Variants in SH3KBP1 observed in about 807,000 individuals in gnomAD.
SH3KBP1 encodes the protein SH3 domain containing kinase binding protein 1, also known as SH3 domain-containing kinase-binding protein 1.
SH3KBP1 carries 8 observed loss-of-function variants against 50.1 expected under a neutral mutation model. That is an observed-to-expected ratio of 0.16 (90% confidence interval 0.09 to 0.29). The LOEUF (loss-of-function observed/expected upper bound fraction) is 0.29. Ranked by LOEUF, SH3KBP1 falls within the 10% of genes least tolerant of loss-of-function variation. SH3KBP1 has a pLI of 1.00. For synonymous variants in SH3KBP1, 227 were observed against 218.6 expected (o/e 1.04, Z -0.34); for missense variants, 377 against 535.2 (o/e 0.70, Z 2.92).
chrX:19,768,289 G>T (rs1261465243), intron 2 of SH3KBP1, among the ~76,000 whole-genome samples: 3 of 107,480 alleles, frequency 2.8e-5, no homozygotes, highest in Non-Finnish European at 5.8e-5. Flanking sequence ...GCGTGTGGGT[G>T]ACTGTTTTAA....
At chrX:19,788,426 G>A (rs967277875) in intron 2 of SH3KBP1, among the ~76,000 whole-genome samples, 4 of 110,553 alleles carry the variant, frequency 3.6e-5, no homozygotes, top group Non-Finnish European at 5.7e-5. Flanking sequence ...GAAGCAAGGG[G>A]AGGAGCAGAC....
intron 12 of SH3KBP1, among the ~76,000 whole-genome samples, chrX:19,572,665 T>C (rs769296396): frequency 9.0e-6 from 1 of 110,887 alleles, no homozygotes; most frequent in Non-Finnish European, 1.9e-5. Flanking sequence ...ATGGATTTTA[T>C]GCATCAGTGT....
intron 15 of SH3KBP1, among the ~76,000 whole-genome samples, chrX:19,543,635 G>GA (rs2065001082): frequency 9.0e-6 from 1 of 111,715 alleles, no homozygotes; most frequent in Non-Finnish European, 1.9e-5. Flanking sequence ...GCATGCTCAT[G>GA]CGGAAGCCTC....
intron 8 of SH3KBP1, among the ~76,000 whole-genome samples, chrX:19,625,937 A>T (rs1263268600): frequency 9.0e-6 from 1 of 111,712 alleles, no homozygotes; most frequent in African/African-American, 3.3e-5. Context: ...CCCTCGGGAA[A>T]GCTGCTTCAG....
chrX:19,722,555 T>TGC (rs1236544543), intron 3 of SH3KBP1, among the ~76,000 whole-genome samples: 12 of 96,663 alleles, frequency 1.2e-4, no homozygotes, highest in Admixed American at 8.0e-4. Context: ...TGTGTGTGTG[T>TGC]GCGCGTGCGC....
At chrX:19,670,969 G>A (rs2148535853) in intron 6 of SH3KBP1, 2 of 1,100,523 alleles carry the variant, frequency 1.8e-6, no homozygotes, top group African/African-American at 1.9e-5. Flanking sequence ...TGAGGACCCA[G>A]CCTAACCCTG....
intron 6 of SH3KBP1, among the ~76,000 whole-genome samples, chrX:19,654,052 T>C (rs2062207662): frequency 9.0e-6 from 1 of 111,654 alleles, no homozygotes; most frequent in Non-Finnish European, 1.9e-5. Context: ...TTAGTATCTA[T>C]CATTCTACTG....
intron 2 of SH3KBP1, among the ~76,000 whole-genome samples, chrX:19,808,864 G>A (rs1443523169): frequency 9.0e-6 from 1 of 111,663 alleles, no homozygotes; most frequent in Non-Finnish European, 1.9e-5. Context: ...GCGTGGGAGG[G>A]ACATCTTTGC....
chrX:19,588,234 T>C (rs2066628076), intron 12 of SH3KBP1: 2 of 688,556 alleles, frequency 2.9e-6, no homozygotes, highest in Admixed American at 4.4e-5. Context: ...GCAGTGAGGG[T>C]CAGGGGTCGT....
chrX:19,548,067 C>T (rs1181077774), intron 14 of SH3KBP1, among the ~76,000 whole-genome samples: 2 of 112,952 alleles, frequency 1.8e-5, no homozygotes, highest in Non-Finnish European at 3.7e-5. Flanking sequence ...ATGTGCTTTT[C>T]ATTCCAGTTG....
chrX:19,634,174 CAGAG>C (rs1220711419), intron 7 of SH3KBP1, among the ~76,000 whole-genome samples: 1 of 98,652 alleles, frequency 1.0e-5, no homozygotes, highest in Non-Finnish European at 2.1e-5. Context: ...CATGGAGAGA[CAGAG>C]AGAGAGAGAC....
At chrX:19,813,188 AAGG>A (rs1569479890) in intron 2 of SH3KBP1, among the ~76,000 whole-genome samples, 1 of 109,489 alleles carries the variant, frequency 9.1e-6, no homozygotes, top group Non-Finnish European at 1.9e-5. Context: ...GAAGAAGAAG[AAGG>A]AAAGAACTAA....
chrX:19,615,295 T>C (rs1272728703), intron 8 of SH3KBP1, among the ~76,000 whole-genome samples: 1 of 112,384 alleles, frequency 8.9e-6, no homozygotes, highest in East Asian at 2.8e-4. Context: ...AAAAGAAATG[T>C]ATTCTGCTCA....
At chrX:19,774,770 T>C (rs1028748426) in intron 2 of SH3KBP1, among the ~76,000 whole-genome samples, 3 of 111,554 alleles carry the variant, frequency 2.7e-5, no homozygotes, top group Non-Finnish European at 3.8e-5. Context: ...GGGGGTTTAT[T>C]AACTTTATTA....
At chrX:19,710,923 T>TA (rs772180852) in intron 3 of SH3KBP1, among the ~76,000 whole-genome samples, 2 of 111,824 alleles carry the variant, frequency 1.8e-5, no homozygotes, top group Admixed American at 9.5e-5. Flanking sequence ...TACTGTTTAA[T>TA]AAAATAGTAA....
chrX:19,648,090 T>A lies in SH3KBP1; in HGVS notation c.727-2615A>T, dbSNP rs73459649. ...TCTCTCTCCTTTCCCACCAAACACATCTGCCTTCTCTATTCTCACTGGCCT... is the reference window on the plus strand; with the variant it reads ...TCTCTCTCCTTTCCCACCAAACACAACTGCCTTCTCTATTCTCACTGGCCT... On this transcript the variant is annotated intron_variant, in intron 6 of 17. Coordinates refer to ENST00000397821, the MANE Select transcript of SH3KBP1 (RefSeq NM_031892.3). 4.5e-3 allele frequency: 1,694 copies of A among 372,727 alleles called. 11 individuals are homozygous for A. Among genetic ancestry groups the A allele is most frequent in the Middle Eastern group, 0.021 (49 of 2,320 alleles). 30.7% of individuals were successfully genotyped at this position (372,727 alleles called of 1,213,427 possible). A position where few individuals can be genotyped will look rare whatever the true frequency, so the allele number is the denominator to read the frequency against.
chrX:19,747,760 G>A, intron 2 of SH3KBP1: 1 of 335,229 alleles, frequency 3.0e-6, no homozygotes, highest in South Asian at 2.7e-5. Context: ...ACTGGGGCTG[G>A]CGCTTTGCTA....
chrX:19,686,766 C>G (rs921647509), intron 5 of SH3KBP1, among the ~76,000 whole-genome samples: 1 of 111,065 alleles, frequency 9.0e-6, no homozygotes, highest in East Asian at 2.8e-4. Context: ...TCTCTCTCAT[C>G]ATATCCATAC....
chrX:19,581,346 G>T (rs1373232324), intron 12 of SH3KBP1, among the ~76,000 whole-genome samples: 2 of 111,870 alleles, frequency 1.8e-5, no homozygotes, highest in Non-Finnish European at 3.8e-5. Context: ...ATCACACAAG[G>T]AATCACTAGG....
Sources: gnomAD v4.1 joint callset for allele counts (sites outside exome capture counted in the v4.1 genomes callset) on GRCh38, gnomAD v4.1.1 for gene constraint, MANE v1.5 for transcripts, NCBI Gene and HGNC (gene_info 2026-07-23, HGNC 2026-07-21) for gene names.